The following PHF21B variants were observed in gnomAD, a reference collection of about 807,000 sequenced individuals.
The protein encoded by PHF21B is PHD finger protein 21B, also known as PHD finger protein 4.
In PHF21B, 22 loss-of-function variants were observed where a neutral mutation model predicts 62.2. That is an observed-to-expected ratio of 0.35 (90% CI 0.25 to 0.51). The LOEUF is 0.51. Ranked by LOEUF, PHF21B falls within the 20% of genes least tolerant of loss-of-function variation. PHF21B has a pLI of 0.97. For synonymous variants in PHF21B, 341 were observed against 314.7 expected (o/e 1.08, Z -0.88); for missense variants, 701 against 707.9 (o/e 0.99, Z 0.11).
At chr22:44,943,720 C>A (rs1219483708) in intron 2 of PHF21B, among the ~76,000 whole-genome samples, 1 of 152,166 alleles carries the variant, frequency 6.6e-6, no homozygotes, top group Non-Finnish European at 1.5e-5. Flanking sequence ...ACAGCGACTC[C>A]TGGGCCGTGT....
intron 9 of PHF21B, 95 bp from the exon 10 acceptor site, chr22:44,888,216 T>C (rs1354858398): frequency 2.3e-6 from 3 of 1,296,318 alleles, no homozygotes; most frequent in Middle Eastern, 2.8e-4. Context: ...GTGTCTGACC[T>C]ACATGTGGCC....
intron 2 of PHF21B, among the ~76,000 whole-genome samples, chr22:44,985,680 T>G (rs2072932593): frequency 6.6e-6 from 1 of 152,072 alleles, no homozygotes; most frequent in African/African-American, 2.4e-5. Flanking sequence ...TGGGAGATAA[T>G]ATTTCCTCAC....
At chr22:44,990,623 G>T (rs1295285903) in intron 2 of PHF21B, among the ~76,000 whole-genome samples, 1 of 152,204 alleles carries the variant, frequency 6.6e-6, no homozygotes, top group African/African-American at 2.4e-5. Context: ...GTTGCACAAA[G>T]ATAAATACTC....
intron 9 of PHF21B, among the ~76,000 whole-genome samples, chr22:44,888,694 C>T (rs1356948239): frequency 6.6e-6 from 1 of 152,236 alleles, no homozygotes; most frequent in Non-Finnish European, 1.5e-5. Context: ...GAGCTCTCCT[C>T]TGGGATGGCC....
chr22:44,907,781 G>A (rs1356512011), intron 5 of PHF21B, among the ~76,000 whole-genome samples: 1 of 152,206 alleles, frequency 6.6e-6, no homozygotes, highest in Non-Finnish European at 1.5e-5. Context: ...AGCAAACCTA[G>A]GAAAGTAAGG....
chr22:44,916,930 C>T (rs931165534), intron 3 of PHF21B, among the ~76,000 whole-genome samples: 2 of 152,148 alleles, frequency 1.3e-5, no homozygotes, highest in Non-Finnish European at 2.9e-5. Flanking sequence ...CGCTTGGGCG[C>T]GAGGGGACAG....
At chr22:44,911,623 T>C (rs1209422253) in intron 5 of PHF21B, among the ~76,000 whole-genome samples, 3 of 152,200 alleles carry the variant, frequency 2.0e-5, no homozygotes, top group Non-Finnish European at 4.4e-5. Flanking sequence ...AAGTCAAGAA[T>C]TGAGGTTTTG....
At chr22:44,898,254 C>T (rs1034534736) in intron 5 of PHF21B, among the ~76,000 whole-genome samples, 1 of 152,136 alleles carries the variant, frequency 6.6e-6, no homozygotes. Context: ...CAGAGCCACC[C>T]TCAATTGGGA....
At chr22:44,931,121 C>T (rs778751875) in intron 2 of PHF21B, among the ~76,000 whole-genome samples, 3 of 152,188 alleles carry the variant, frequency 2.0e-5, no homozygotes, top group Non-Finnish European at 2.9e-5. Context: ...GTGGCGCAAC[C>T]GTAGCTCACT....
intron 2 of PHF21B, 79 bp from the exon 3 acceptor site, chr22:44,920,569 G>A (rs2071517581): frequency 3.0e-6 from 3 of 1,011,566 alleles, no homozygotes; most frequent in Admixed American, 2.5e-5. Flanking sequence ...TGGCCAAGCA[G>A]GGGGCAGCTG....
chr22:44,894,521 A>G (rs1302371848), intron 6 of PHF21B, among the ~76,000 whole-genome samples: 1 of 152,144 alleles, frequency 6.6e-6, no homozygotes, highest in East Asian at 1.9e-4. Flanking sequence ...TCGGTCAGAG[A>G]TTAAATCAAT....
intron 2 of PHF21B, among the ~76,000 whole-genome samples, chr22:44,995,680 C>T (rs994066225): frequency 2.6e-5 from 4 of 152,114 alleles, no homozygotes; most frequent in Admixed American, 2.0e-4. Flanking sequence ...ATCTTCGGCG[C>T]GTCGAGTCTG....
At chr22:44,936,439 C>G (rs1386025772) in intron 2 of PHF21B, among the ~76,000 whole-genome samples, 1 of 152,212 alleles carries the variant, frequency 6.6e-6, no homozygotes, top group African/African-American at 2.4e-5. Flanking sequence ...CCTCCTGTCC[C>G]CAGCCCCTCT....
intron 2 of PHF21B, among the ~76,000 whole-genome samples, chr22:44,924,810 C>T (rs376162370): frequency 5.3e-5 from 8 of 152,140 alleles, no homozygotes; most frequent in East Asian, 1.9e-4. Context: ...CCTAAGCATT[C>T]GCCAAGAGAA....
chr22:44,950,753 A>G (rs1424154292), intron 2 of PHF21B, among the ~76,000 whole-genome samples: 27 of 152,210 alleles, frequency 1.8e-4, no homozygotes, highest in Admixed American at 1.8e-3. Flanking sequence ...CCATAATTGA[A>G]GCAGGGCTCT....
intron 9 of PHF21B, 98 bp from the exon 10 acceptor site, chr22:44,888,219 A>G (rs2070895023): frequency 1.6e-6 from 2 of 1,274,938 alleles, no homozygotes; most frequent in African/African-American, 1.6e-5. Flanking sequence ...TCTGACCTAC[A>G]TGTGGCCGCT....
intron 7 of PHF21B, 51 bp downstream of exon 7, chr22:44,893,406 G>T (rs777967719): frequency 6.5e-6 from 10 of 1,531,810 alleles, no homozygotes; most frequent in Non-Finnish European, 5.3e-6. Context: ...TGGAGGCTGT[G>T]CACTGGGAGC....
At chr22:44,946,563 G>T (rs2072076843) in intron 2 of PHF21B, among the ~76,000 whole-genome samples, 1 of 152,040 alleles carries the variant, frequency 6.6e-6, no homozygotes, top group Non-Finnish European at 1.5e-5. Flanking sequence ...ATGGACAGTG[G>T]GTGGACATAC....
At chr22:44,984,175 A>C in intron 2 of PHF21B, among the ~76,000 whole-genome samples, 1 of 148,080 alleles carries the variant, frequency 6.8e-6, no homozygotes, top group African/African-American at 2.5e-5. Flanking sequence ...CATCATCACC[A>C]TCACAACCAC....
Sources: allele counts gnomAD v4.1 joint callset (sites outside exome capture counted in the v4.1 genomes callset), GRCh38; gene constraint gnomAD v4.1.1; transcripts MANE v1.5; gene names NCBI Gene and HGNC (gene_info 2026-07-23, HGNC 2026-07-21).